The following WDFY3 variants were observed in gnomAD, a reference collection of about 807,000 sequenced individuals.
WDFY3 encodes the protein WD repeat and FYVE domain containing 3, also known as WD repeat and FYVE domain-containing protein 3.
Under a neutral mutation model 409.6 loss-of-function variants are expected in WDFY3, and 66 were observed. That is an observed-to-expected ratio of 0.16 (90% confidence interval 0.13 to 0.20). The LOEUF is 0.20. WDFY3 is among the 10% of genes least tolerant of loss of function. The probability of loss-of-function intolerance (pLI) is 1.00; values close to 1 mark genes in which losing one functional copy is unlikely to be tolerated. For synonymous variants in WDFY3, 1,521 were observed against 1,537.1 expected, an observed-to-expected ratio of 0.99 and a Z score of 0.25; for missense variants, 3,031 against 4,298.1, an observed-to-expected ratio of 0.71 and a Z score of 8.24.
chr4:84,966,617 G>A lies in WDFY3; in HGVS notation c.-634C>T, dbSNP rs1312072660. Among the ~76,000 whole-genome samples the A allele has an allele frequency of 1.3e-5, 2 of 152,020 alleles. No homozygotes were observed. Among genetic ancestry groups the A allele is most frequent in the East Asian group, 1.9e-4 (1 of 5,134 alleles). On this transcript the variant is annotated 5_prime_UTR_variant, in exon 1 of 68. The change creates a new upstream start codon in the 5' untranslated region. Coordinates refer to ENST00000295888, the MANE Select transcript of WDFY3 (RefSeq NM_014991.6). ...TCCCGGAAAGTGAGGGGTTGTTGCC[G>A]TTTCCCGCAGCTGTTGGTGGCCATC...
intron 2 of WDFY3, among the ~76,000 whole-genome samples, chr4:84,904,613 T>G (rs1303966075): frequency 6.6e-6 from 1 of 152,178 alleles, no homozygotes; most frequent in Non-Finnish European, 1.5e-5. Flanking sequence ...TGTGCTGCAG[T>G]TTGTGCAGGT....
intron 20 of WDFY3, 46 bp downstream of exon 20, chr4:84,794,833 A>G: frequency 2.0e-6 from 3 of 1,527,872 alleles, no homozygotes; most frequent in Non-Finnish European, 1.8e-6. Context: ...ATTATATATA[A>G]TCTACTAGAA....
chr4:84,689,336 C>T (rs1728862335), intron 61 of WDFY3, among the ~76,000 whole-genome samples: 1 of 152,156 alleles, frequency 6.6e-6, no homozygotes, highest in South Asian at 2.1e-4. Context: ...TTATTGCATG[C>T]TTAGCAAACC....
At chr4:84,894,785 GAA>G (rs201916800) in intron 3 of WDFY3, among the ~76,000 whole-genome samples, 4 of 133,362 alleles carry the variant, frequency 3.0e-5, no homozygotes, top group Non-Finnish European at 1.6e-5. Flanking sequence ...GACTCAGTCT[GAA>G]AAAAAAAAAA....
At chr4:84,747,124 T>TGGG (rs1436999781) in intron 36 of WDFY3, among the ~76,000 whole-genome samples, 2 of 152,212 alleles carry the variant, frequency 1.3e-5, no homozygotes, top group East Asian at 3.9e-4. Flanking sequence ...TGGTCAGATC[T>TGGG]GTTTTCCTGG....
intron 23 of WDFY3, 30 bp downstream of exon 23, chr4:84,787,452 A>T (rs1346279425): frequency 6.3e-7 from 1 of 1,596,844 alleles, no homozygotes; most frequent in Non-Finnish European, 8.6e-7. Context: ...AGTTTCATAC[A>T]ACTTCAAGAA....
chr4:84,807,036 T>A (rs1302246466), intron 15 of WDFY3, among the ~76,000 whole-genome samples: 1 of 152,234 alleles, frequency 6.6e-6, no homozygotes. Flanking sequence ...TATGATATAA[T>A]CACCATATTT....
At position 84,753,831 on chromosome 4, in the gene WDFY3, C is replaced by G. The variant is rs192243148; in HGVS notation, c.5605G>C (p.Val1869Leu). The part of the protein sequence containing the change: ...EEGSWLREYP[V>L]TLMQFFRYLY... ...TATCTGAAGAACTGCATCAGGGTCA[C>G]AGGATATTCTCGGAGCCAAGATCCC... Residue 1869 changes from valine (V) to leucine (L), a missense_variant, in exon 35 of 68, where the codon GTG becomes CTG. Val to Leu is a conservative substitution (Grantham distance 32). Coordinates refer to ENST00000295888, the MANE Select transcript of WDFY3 (RefSeq NM_014991.6). 1 of 1,608,304 alleles carries G rather than the reference C, an allele frequency of 6.2e-7. No homozygotes were observed. Among genetic ancestry groups the G allele is most frequent in the African/African-American group, 1.3e-5 (1 of 74,754 alleles).
chr4:84,683,831 G>A, intron 63 of WDFY3, 112 bp downstream of exon 63: 1 of 1,160,050 alleles, frequency 8.6e-7, no homozygotes, highest in Non-Finnish European at 1.2e-6. Context: ...TGGAGCGAGA[G>A]TTCACTAAAC....
chr4:84,912,942 G>A (rs1002785915), intron 2 of WDFY3, among the ~76,000 whole-genome samples: 9 of 152,128 alleles, frequency 5.9e-5, no homozygotes, highest in Non-Finnish European at 1.2e-4. Flanking sequence ...CCAAATGCCA[G>A]TATTTTGGTT....
intron 32 of WDFY3, among the ~76,000 whole-genome samples, chr4:84,761,461 C>A (rs1742579816): frequency 6.6e-6 from 1 of 151,990 alleles, no homozygotes; most frequent in South Asian, 2.1e-4. Context: ...GTAGGTCACT[C>A]AGGACTTGCT....
At chr4:84,677,429 CGGAA>C in intron 66 of WDFY3, 33 bp from the exon 67 acceptor site, 1 of 1,533,570 alleles carries the variant, frequency 6.5e-7, no homozygotes, top group Non-Finnish European at 8.8e-7. Context: ...GGTCACTGCA[CGGAA>C]GGCTTCTGTG....
intron 32 of WDFY3, among the ~76,000 whole-genome samples, chr4:84,762,993 C>G (rs11728145): frequency 0.18 from 26,498 of 151,026 alleles, 3,990 homozygotes; most frequent in African/African-American, 0.41. Context: ...CAAAAGACAT[C>G]AAGTGGTTAT....
intron 36 of WDFY3, among the ~76,000 whole-genome samples, chr4:84,744,130 A>G (rs578229567): frequency 6.7e-6 from 1 of 148,194 alleles, no homozygotes; most frequent in African/African-American, 2.4e-5. Flanking sequence ...AACTATATAT[A>G]ATATTGTTAT....
chr4:84,725,491 G>A (rs1372009280), intron 45 of WDFY3, among the ~76,000 whole-genome samples: 3 of 152,040 alleles, frequency 2.0e-5, no homozygotes, highest in Non-Finnish European at 4.4e-5. Flanking sequence ...CGGAAGATGA[G>A]AAACTAAGAT....
intron 24 of WDFY3, among the ~76,000 whole-genome samples, chr4:84,783,428 G>C (rs878979356): frequency 1.3e-5 from 2 of 152,172 alleles, no homozygotes; most frequent in Admixed American, 1.3e-4. Context: ...GCAGTCAACG[G>C]AGATTGTGCC....
rs1204866707 is a variant in WDFY3 at position 84,796,514 on chromosome 4, T to A, written c.3167+7A>T. On this transcript the variant is annotated splice_region_variant and intron_variant, in intron 19 of 67. Transcript: ENST00000295888. ...CATAAAGGTTGGCTTCCTTGCAAAT[T>A]TCTTACCCAAACCCTTCAAGTGATG... 1 of 1,527,554 alleles carries A rather than the reference T, an allele frequency of 6.5e-7. No individual in the cohort carries two copies. The highest frequency in any genetic ancestry group is 8.8e-7 in the Non-Finnish European group (1 of 1,133,346). The allele number at this position is 1,527,554 out of a possible 1,614,324, so 94.6% of individuals were successfully genotyped here. A position where few individuals can be genotyped will look rare whatever the true frequency, so the allele number is the denominator to read the frequency against.
chr4:84,722,524 G>C (rs746062441), intron 46 of WDFY3, among the ~76,000 whole-genome samples: 1 of 152,140 alleles, frequency 6.6e-6, no homozygotes, highest in Non-Finnish European at 1.5e-5. Context: ...TACCAGGTCA[G>C]AAAGAACAGA....
At chr4:84,784,891 T>TACACACACACAC (rs1215135327) in intron 24 of WDFY3, among the ~76,000 whole-genome samples, 3 of 36,916 alleles carry the variant, frequency 8.1e-5, no homozygotes, top group African/African-American at 2.3e-4. Context: ...TATATATATA[T>TACACACACACAC]ACACACACAC....
Sources: allele counts gnomAD v4.1 joint callset (sites outside exome capture counted in the v4.1 genomes callset), GRCh38; gene constraint gnomAD v4.1.1; transcripts MANE v1.5; gene names NCBI Gene and HGNC (gene_info 2026-07-23, HGNC 2026-07-21).